The following MED16 variants were observed in gnomAD, a reference collection of about 807,000 sequenced individuals.
MED16 encodes the protein mediator of RNA polymerase II transcription subunit 16.
MED16 carries 81 observed loss-of-function variants against 84.4 expected under a neutral mutation model. That is an observed-to-expected ratio of 0.96 (90% CI 0.80 to 1.15). MED16 has a LOEUF of 1.15. MED16 is among the 50% of genes most tolerant of loss of function. MED16 has a pLI of 0.00. For synonymous variants in MED16, 897 were observed against 552.2 expected (o/e 1.62, Z -8.76); for missense variants, 1,585 against 1,245.9 (o/e 1.27, Z -4.10).
At chr19:879,700 CTCGCCTTCCCCTGGTTG>C (rs1310948414) in intron 8 of MED16, among the ~76,000 whole-genome samples, 4 of 151,800 alleles carry the variant, frequency 2.6e-5, no homozygotes, top group East Asian at 1.9e-4. Flanking sequence ...GCCCCAGCAG[CTCGCCTTCCCCTGGTTG>C]TCAATGCCCA....
intron 6 of MED16, among the ~76,000 whole-genome samples, chr19:883,427 T>A (rs57128987): frequency 0.028 from 3,193 of 113,260 alleles, 309 homozygotes; most frequent in African/African-American, 0.11. Context: ...GGTGGGCACG[T>A]GGGGCGGTGC....
At chr19:877,845 C>A (rs561267539) in intron 8 of MED16, among the ~76,000 whole-genome samples, 876 of 137,738 alleles carry the variant, frequency 6.4e-3, no homozygotes, top group Non-Finnish European at 9.8e-3. Context: ...GCCCACCAAG[C>A]CCAGCCCCAC....
At chr19:889,424 G>A (rs1424602441) in intron 4 of MED16, among the ~76,000 whole-genome samples, 3 of 152,202 alleles carry the variant, frequency 2.0e-5, no homozygotes, top group Admixed American at 6.5e-5. Flanking sequence ...ATGACAGCCA[G>A]ACTGCAGGTG....
chr19:873,659 C>G, intron 10 of MED16, 77 bp from the exon 11 acceptor site: 1 of 1,544,620 alleles, frequency 6.5e-7, no homozygotes, highest in Admixed American at 1.7e-5. Context: ...CTCGGTCCTT[C>G]GACCTGCACT....
At chr19:888,236 G>A (rs912867920) in intron 4 of MED16, among the ~76,000 whole-genome samples, 13 of 149,598 alleles carry the variant, frequency 8.7e-5, no homozygotes, top group Non-Finnish European at 1.5e-5. Flanking sequence ...AAAGATAAAG[G>A]TCTGGCCGGG....
chr19:871,217 G>A lies in MED16; in HGVS notation c.2135C>T (p.Ala712Val), dbSNP rs200579290. Residue 712 changes from alanine to valine, a missense_variant, in exon 13 of 16, where the codon GCG becomes GTG. Transcript: ENST00000325464. ...DEGPASEPDE[A>V]LVDECCLLPS... ...CAGCAGGCAGCATTCATCCACCAGC[G>A]CCTCGTCCGGCTCGCTCGCTGGGCC... The A allele has an allele frequency of 5.8e-5, 89 of 1,547,078 alleles. No individual in the cohort carries two copies. Among genetic ancestry groups the A allele is most frequent in the East Asian group, 4.9e-5 (2 of 41,152 alleles).
At position 886,029 on chromosome 19, in the gene MED16, C is replaced by G; in HGVS notation, c.620G>C (p.Cys207Ser). Reference protein sequence around the residue: ...GQVLTSTESLCRLRGRVALAD... With the variant: ...GQVLTSTESLSRLRGRVALAD... The stretch of plus-strand genomic sequence containing the variant: ...CAGGGCCACGCGGCCGCGCAGCCGG[C>G]ACAGGCTCTCGGTGGACGTCAGCAC... The change falls in exon 5 of 16, where the codon TGC becomes TCC. Residue 207 changes from cysteine (C) to serine (S), a missense_variant. Cys to Ser is a moderately radical substitution (Grantham distance 112). Coordinates refer to ENST00000325464, the MANE Select transcript of MED16 (RefSeq NM_005481.3). 1 of 1,598,500 alleles carries G rather than the reference C, an allele frequency of 6.3e-7. No homozygotes were observed.
chr19:869,023 G>A (rs2145184460), intron 13 of MED16, 77 bp from the exon 14 acceptor site: 4 of 1,314,030 alleles, frequency 3.0e-6, no homozygotes, highest in South Asian at 2.7e-5. Flanking sequence ...CTGTCCACAG[G>A]CGGGGGTGGA....
chr19:888,879 GAGCCCC>G (rs1178370600), intron 4 of MED16, among the ~76,000 whole-genome samples: 15 of 152,180 alleles, frequency 9.9e-5, no homozygotes, highest in Non-Finnish European at 2.1e-4. Context: ...GTTCCTGCGA[GAGCCCC>G]AGCACAAGCA....
In MED16 at chr19:884,911, G is replaced by GA; in HGVS notation, c.976dup (p.Ser326PhefsTer91). The GA allele has an allele frequency of 6.2e-7, 1 of 1,607,354 alleles. No homozygotes were observed. The highest frequency in any genetic ancestry group is 8.5e-7 in the Non-Finnish European group (1 of 1,178,542). On this transcript the variant is annotated frameshift_variant, in exon 6 of 16. Coordinates refer to ENST00000325464, the MANE Select transcript of MED16 (RefSeq NM_005481.3). LOFTEE classifies it high-confidence loss of function. ...GCCGGCGGGAGACTCACCCACGGGG[G>GA]AGATCTGCTGGAAGATGTTGTTCAC...
At chr19:870,566 CAAA>C (rs1227950208) in intron 13 of MED16, among the ~76,000 whole-genome samples, 24 of 103,646 alleles carry the variant, frequency 2.3e-4, no homozygotes, top group Non-Finnish European at 2.1e-4. Flanking sequence ...GTCGGGGAGA[CAAA>C]AAAAAAAAAA....
At chr19:890,004 A>G (rs2036601666) in intron 3 of MED16, 133 bp downstream of exon 3, 2 of 839,376 alleles carry the variant, frequency 2.4e-6, no homozygotes, top group African/African-American at 1.7e-5. Flanking sequence ...CTATGGAAAG[A>G]GCAGCAGGTG....
At chr19:889,915 C>A in intron 3 of MED16, 108 bp from the exon 4 acceptor site, 2 of 1,342,356 alleles carry the variant, frequency 1.5e-6, no homozygotes, top group Non-Finnish European at 2.0e-6. Flanking sequence ...AGGTCTCGGC[C>A]CAGGTAGGGC....
At chr19:874,834 T>C (rs565284032) in intron 10 of MED16, among the ~76,000 whole-genome samples, 1 of 151,406 alleles carries the variant, frequency 6.6e-6, no homozygotes, top group Non-Finnish European at 1.5e-5. Context: ...TGCGTCACCG[T>C]GCTGCAACCT....
rs191055201 is a variant in MED16, at chr19:889,879, G to A, written c.278-72C>T. The stretch of plus-strand genomic sequence containing the variant: ...GCACTGCGTTGCAGGACGGCACAGC[G>A]CCTGGGGGAAGCCAGCCCAGTGGAG... On this transcript the variant is annotated intron_variant, in intron 3 of 15. Transcript: ENST00000325464. 8.3e-5 allele frequency: 124 copies of A among 1,498,842 alleles called. No individual in the cohort carries two copies. In the African/African-American group the frequency reaches 8.5e-4, roughly 10 times the overall value. The allele number at this position is 1,498,842 out of a possible 1,614,324, so 92.8% of individuals were successfully genotyped here.
chr19:873,505 G>A lies in MED16; in HGVS notation c.1849C>T (p.Leu617Phe). The A allele has an allele frequency of 6.2e-7, 1 of 1,612,102 alleles. No individual in the cohort carries two copies. The change falls in exon 11 of 16, where the codon CTC becomes TTC. Residue 617 changes from leucine to phenylalanine, a missense_variant. Physicochemically the swap from Leu to Phe is conservative, Grantham distance 22. Coordinates refer to ENST00000325464, the MANE Select transcript of MED16 (RefSeq NM_005481.3). ...ACGAAGTCGCCCACCCACTGCAAGA[G>A]CTGCTGCAGCGCCTGCAGTGTGTTC... Reference protein sequence around the residue: ...DMNTLQALQQLLQWVGDFVLY... With the variant: ...DMNTLQALQQFLQWVGDFVLY...
rs1299008646 is a variant in MED16 at position 875,404 on chromosome 19, C to T, written c.1611G>A (p.Ser537=). 1.1e-5 allele frequency: 18 copies of T among 1,607,236 alleles called. No homozygotes were observed. Among genetic ancestry groups the T allele is most frequent in the Admixed American group, 5.0e-5 (3 of 59,966 alleles). The change falls in exon 10 of 16, where the codon TCG becomes TCA. Residue 537 remains serine (S), a synonymous_variant. Coordinates refer to ENST00000325464, the MANE Select transcript of MED16 (RefSeq NM_005481.3). ...LAMKASLCKL[S]PCTVTRVCDY... is the part of the protein sequence containing the mutation. ...CGCACACGCGGGTCACCGTGCAGGG[C>T]GACAGCTTGCAGAGCGAGGCCTTCA...
intron 1 of MED16, chr19:892,409 CT>C: frequency 6.4e-6 from 1 of 156,230 alleles, no homozygotes. Context: ...CTCCAACGCC[CT>C]TAGCTCTCCA....
rs766006755 is a variant in MED16 at position 873,431 on chromosome 19, G to T, written c.1905+18C>A. On this transcript the variant is annotated intron_variant, in intron 11 of 15. Transcript: ENST00000325464. ...GGCCCAGGTGGGGGGCGGGGCCTTA[G>T]GGGAGAGCATGGCGCACCTGGTTGG... The T allele has an allele frequency of 6.2e-7, 1 of 1,603,542 alleles. No individual in the cohort carries two copies. Among genetic ancestry groups the T allele is most frequent in the Non-Finnish European group, 8.5e-7 (1 of 1,179,140 alleles).
Sources: allele counts gnomAD v4.1 joint callset (sites outside exome capture counted in the v4.1 genomes callset), GRCh38; gene constraint gnomAD v4.1.1; transcripts MANE v1.5; gene names NCBI Gene and HGNC (gene_info 2026-07-23, HGNC 2026-07-21).